ATP10A: variants seen among roughly 807,000 people sequenced by gnomAD.
ATP10A encodes the protein phospholipid-transporting ATPase VA.
ATP10A carries 111 observed loss-of-function variants against 147.8 expected under a neutral mutation model. The observed-to-expected ratio is 0.75, with a 90% confidence interval of 0.64 to 0.88. The LOEUF (loss-of-function observed/expected upper bound fraction) is 0.88. ATP10A is among the 40% of genes least tolerant of loss of function. The pLI, the probability that ATP10A is intolerant of heterozygous loss-of-function variation, is 0.00. For synonymous variants in ATP10A, 875 were observed against 841.6 expected, an observed-to-expected ratio of 1.04 and a Z score of -0.69; for missense variants, 1,927 against 1,959.0, an observed-to-expected ratio of 0.98 and a Z score of 0.31.
chr15:25,804,875 A>T (rs1489571637), intron 1 of ATP10A, among the ~76,000 whole-genome samples: 3 of 152,268 alleles, frequency 2.0e-5, no homozygotes, highest in Non-Finnish European at 2.9e-5. Context: ...GAAGTAAAAA[A>T]TAAAATATGA....
At chr15:25,710,914 T>C (rs1227280873) in intron 10 of ATP10A, 2 of 152,072 alleles carry the variant, frequency 1.3e-5, no homozygotes, top group Non-Finnish European at 2.9e-5. Flanking sequence ...AGGTACCGAG[T>C]GGACGCTGGA....
chr15:25,682,918 T>C (rs1464033110), intron 17 of ATP10A, among the ~76,000 whole-genome samples: 1 of 152,216 alleles, frequency 6.6e-6, no homozygotes, highest in Non-Finnish European at 1.5e-5. Context: ...GCTCTTTCAG[T>C]GGCTCAGTGG....
intron 2 of ATP10A, among the ~76,000 whole-genome samples, chr15:25,769,235 C>T (rs1276923125): frequency 6.6e-6 from 1 of 152,034 alleles, no homozygotes; most frequent in Non-Finnish European, 1.5e-5. Context: ...ACCTGTAATC[C>T]CAGCACTTTG....
At chr15:25,830,277 C>T (rs191233643) in intron 1 of ATP10A, among the ~76,000 whole-genome samples, 2 of 152,266 alleles carry the variant, frequency 1.3e-5, no homozygotes, top group Admixed American at 6.5e-5. Context: ...AGAGGCCAGG[C>T]TCCACTCTCC....
intron 2 of ATP10A, among the ~76,000 whole-genome samples, chr15:25,776,398 T>G (rs1360386119): frequency 6.6e-6 from 1 of 152,218 alleles, no homozygotes; most frequent in African/African-American, 2.4e-5. Context: ...ATCTATAAAT[T>G]GGTGTGATAA....
chr15:25,762,334 T>C (rs1322695101), intron 2 of ATP10A, among the ~76,000 whole-genome samples: 1 of 152,178 alleles, frequency 6.6e-6, no homozygotes, highest in Non-Finnish European at 1.5e-5. Context: ...AGGAACGCAG[T>C]GGCACAATCA....
downstream of ATP10A, among the ~76,000 whole-genome samples, chr15:25,673,233 A>T (rs1000473391): frequency 6.6e-6 from 1 of 152,146 alleles, no homozygotes; most frequent in African/African-American, 2.4e-5. Flanking sequence ...GCTCAGGCAA[A>T]ACCTGCTGGA....
At chr15:25,712,656 AT>A (rs1901514552) in intron 10 of ATP10A, among the ~76,000 whole-genome samples, 1 of 152,232 alleles carries the variant, frequency 6.6e-6, no homozygotes, top group African/African-American at 2.4e-5. Context: ...AACTGTGTCC[AT>A]GAATTGGATT....
intron 2 of ATP10A, among the ~76,000 whole-genome samples, chr15:25,740,004 G>T (rs1001329303): frequency 6.6e-6 from 1 of 152,204 alleles, no homozygotes; most frequent in Non-Finnish European, 1.5e-5. Context: ...CCTCCTGGTA[G>T]AACAGCTGTG....
intron 4 of ATP10A, 101 bp from the exon 5 acceptor site, chr15:25,726,183 G>T: frequency 1.5e-6 from 2 of 1,369,872 alleles, no homozygotes; most frequent in Non-Finnish European, 2.0e-6. Context: ...ATTCAGTGGT[G>T]CTTAGGTGAG....
At chr15:25,764,505 G>A (rs1011495989) in intron 2 of ATP10A, among the ~76,000 whole-genome samples, 1 of 152,138 alleles carries the variant, frequency 6.6e-6, no homozygotes, top group African/African-American at 2.4e-5. Context: ...ACACTCACTC[G>A]AAGTTCTGCC....
chr15:25,690,906 C>A (rs554853172), intron 15 of ATP10A, among the ~76,000 whole-genome samples: 1 of 152,206 alleles, frequency 6.6e-6, no homozygotes, highest in South Asian at 2.1e-4. Context: ...CCAGCCGTGA[C>A]GGAACTACTG....
At chr15:25,854,929 G>A (rs912288533) in intron 1 of ATP10A, among the ~76,000 whole-genome samples, 2 of 152,092 alleles carry the variant, frequency 1.3e-5, no homozygotes, top group African/African-American at 4.8e-5. Context: ...GCATTGTGAT[G>A]CCTGCCTGTA....
intron 2 of ATP10A, among the ~76,000 whole-genome samples, chr15:25,776,425 T>C (rs918742029): frequency 6.6e-6 from 1 of 152,234 alleles, no homozygotes; most frequent in Non-Finnish European, 1.5e-5. Context: ...TCTCACAAGA[T>C]TTATACTTAA....
chr15:25,838,770 G>A (rs1892689242), intron 1 of ATP10A, among the ~76,000 whole-genome samples: 1 of 152,156 alleles, frequency 6.6e-6, no homozygotes, highest in Admixed American at 6.5e-5. Context: ...TATTTCCCCT[G>A]AGAAAATGGG....
chr15:25,741,332 A>G (rs1425306503), intron 2 of ATP10A, among the ~76,000 whole-genome samples: 2 of 151,902 alleles, frequency 1.3e-5, no homozygotes, highest in South Asian at 2.1e-4. Context: ...GGGGACCTAG[A>G]GCCCCTGCCT....
Position 25,714,024 on chromosome 15 carries a change from A to G in ATP10A, c.1994T>C (p.Ile665Thr). The change falls in exon 10 of 21, where the codon ATC (isoleucine) becomes ACC (threonine). Residue 665 changes from isoleucine (I) to threonine (T), a missense_variant. Coordinates refer to ENST00000555815, the MANE Select transcript of ATP10A (RefSeq NM_024490.4). ...CTGGCTGCTGTAGCCGTTGCTGGCGATGGCCGAGGTGGGCTGGCCCAGCCT... is the reference window on the plus strand; with the variant it reads ...CTGGCTGCTGTAGCCGTTGCTGGCGGTGGCCGAGGTGGGCTGGCCCAGCCT... Reference protein sequence around the residue: ...EERLGQPTSAIASNGYSSQAD... With the variant: ...EERLGQPTSATASNGYSSQAD... 1 of 1,610,910 alleles carries G rather than the reference A, an allele frequency of 6.2e-7. No individual in the cohort carries two copies.
At chr15:25,824,717 G>T (rs1892044692) in intron 1 of ATP10A, among the ~76,000 whole-genome samples, 1 of 146,774 alleles carries the variant, frequency 6.8e-6, no homozygotes, top group Non-Finnish European at 1.5e-5. Context: ...ACTTTTTTCA[G>T]GTCTCTGAAA....
chr15:25,752,687 T>C (rs1041584472), intron 2 of ATP10A, among the ~76,000 whole-genome samples: 1 of 152,224 alleles, frequency 6.6e-6, no homozygotes, highest in Admixed American at 6.5e-5. Context: ...TTGCCTTTTT[T>C]ATTTCTGCAA....
Sources: allele counts gnomAD v4.1 joint callset (sites outside exome capture counted in the v4.1 genomes callset), GRCh38; gene constraint gnomAD v4.1.1; transcripts MANE v1.5; gene names NCBI Gene and HGNC (gene_info 2026-07-23, HGNC 2026-07-21).